Variants in PTPRD observed in about 807,000 individuals in gnomAD.
PTPRD encodes protein tyrosine phosphatase receptor type D, also known as receptor-type tyrosine-protein phosphatase delta.
A neutral mutation model predicts 214.5 loss-of-function variants in PTPRD; 34 were observed. The ratio of observed to expected loss-of-function variants is 0.16; its 90% CI spans 0.12 to 0.21. PTPRD has a LOEUF of 0.21. Ranked by LOEUF, PTPRD falls within the 10% of genes least tolerant of loss-of-function variation. PTPRD has a pLI of 1.00. For missense variants in PTPRD, 2,545 were observed against 2,398.7 expected (o/e 1.06, Z -1.27); for synonymous variants, 1,128 against 845.7 (o/e 1.33, Z -5.79).
chr9:8,656,340 A>G (rs1475065147), intron 12 of PTPRD, among the ~76,000 whole-genome samples: 1 of 152,212 alleles, frequency 6.6e-6, no homozygotes, highest in Admixed American at 6.5e-5. Context: ...CTGCTTCTTG[A>G]AAGCTGATTC....
chr9:8,795,023 G>A (rs540142899), intron 11 of PTPRD, among the ~76,000 whole-genome samples: 1 of 152,104 alleles, frequency 6.6e-6, no homozygotes, highest in East Asian at 1.9e-4. Flanking sequence ...TACATTTCTT[G>A]AATTCATAAC....
chr9:9,805,182 C>G (rs2099065152), intron 5 of PTPRD, among the ~76,000 whole-genome samples: 1 of 152,108 alleles, frequency 6.6e-6, no homozygotes, highest in Admixed American at 6.6e-5. Flanking sequence ...TGGCCTCAAG[C>G]AAATGTCTCA....
chr9:8,698,570 T>G (rs1457420648), intron 12 of PTPRD, among the ~76,000 whole-genome samples: 1 of 152,224 alleles, frequency 6.6e-6, no homozygotes, highest in African/African-American at 2.4e-5. Flanking sequence ...CAAGGCCTAT[T>G]TAGTTTCCTA....
intron 3 of PTPRD, among the ~76,000 whole-genome samples, chr9:10,253,420 C>T (rs1181179243): frequency 6.6e-6 from 1 of 152,184 alleles, no homozygotes; most frequent in African/African-American, 2.4e-5. Flanking sequence ...CATGCAGTAG[C>T]TAAATTGCCC....
intron 3 of PTPRD, among the ~76,000 whole-genome samples, chr9:10,206,477 C>A (rs548592032): frequency 9.9e-4 from 150 of 152,196 alleles, no homozygotes; most frequent in African/African-American, 3.4e-3. Flanking sequence ...TGAGAGTCAA[C>A]CCAATTAGAA....
intron 12 of PTPRD, among the ~76,000 whole-genome samples, chr9:8,648,141 G>C (rs2096732901): frequency 6.6e-6 from 1 of 152,196 alleles, no homozygotes; most frequent in Non-Finnish European, 1.5e-5. Flanking sequence ...AGTGGAAATG[G>C]TATGTTCCAA....
intron 3 of PTPRD, among the ~76,000 whole-genome samples, chr9:10,064,594 G>A (rs1291715844): frequency 6.6e-6 from 1 of 151,810 alleles, no homozygotes; most frequent in African/African-American, 2.4e-5. Context: ...GAAGCTCAGA[G>A]TATGTTTGGT....
intron 11 of PTPRD, among the ~76,000 whole-genome samples, chr9:8,811,025 G>A (rs1435332509): frequency 7.9e-5 from 12 of 152,202 alleles, no homozygotes; most frequent in Non-Finnish European, 1.5e-5. Flanking sequence ...GGAAACAACT[G>A]TGCCCAGGCA....
chr9:9,404,996 C>T (rs1375431374), intron 8 of PTPRD, among the ~76,000 whole-genome samples: 1 of 152,008 alleles, frequency 6.6e-6, no homozygotes, highest in Non-Finnish European at 1.5e-5. Flanking sequence ...ATGTTTATTT[C>T]CCCATCATTT....
intron 6 of PTPRD, among the ~76,000 whole-genome samples, chr9:9,743,600 C>T (rs145330520): frequency 1.2e-4 from 19 of 152,094 alleles, no homozygotes; most frequent in African/African-American, 4.3e-4. Context: ...TACCTGTTCA[C>T]AATCCACACC....
intron 3 of PTPRD, among the ~76,000 whole-genome samples, chr9:10,046,077 T>C (rs1340715428): frequency 1.3e-5 from 2 of 151,800 alleles, no homozygotes; most frequent in Non-Finnish European, 3.0e-5. Flanking sequence ...TTTAATTTGA[T>C]ATACAGAAAT....
intron 6 of PTPRD, among the ~76,000 whole-genome samples, chr9:9,760,107 C>T (rs1038332002): frequency 1.3e-5 from 2 of 152,076 alleles, no homozygotes; most frequent in Admixed American, 6.6e-5. Context: ...AGAAGGATCT[C>T]GTTACAAAGT....
intron 26 of PTPRD, among the ~76,000 whole-genome samples, chr9:8,495,978 T>C (rs1290521276): frequency 6.6e-6 from 1 of 152,172 alleles, no homozygotes; most frequent in Non-Finnish European, 1.5e-5. Context: ...TTGACTCTTC[T>C]GGTTTTCCCA....
intron 3 of PTPRD, among the ~76,000 whole-genome samples, chr9:10,126,946 C>CTTTTTTTT (rs34691762): frequency 1.2e-4 from 16 of 130,572 alleles, no homozygotes; most frequent in African/African-American, 1.9e-4. Flanking sequence ...CTCAAATGGA[C>CTTTTTTTT]TTTTTTTTTT....
At chr9:8,981,399 T>C (rs1424670720) in intron 11 of PTPRD, among the ~76,000 whole-genome samples, 3 of 152,140 alleles carry the variant, frequency 2.0e-5, no homozygotes, top group Middle Eastern at 6.8e-3. Context: ...AGTTCTTTAG[T>C]CTGATTTTTT....
intron 2 of PTPRD, among the ~76,000 whole-genome samples, chr9:10,342,047 T>G (rs1325123797): frequency 2.0e-5 from 3 of 152,022 alleles, no homozygotes; most frequent in African/African-American, 7.2e-5. Flanking sequence ...GTTCTTGGAA[T>G]AAATTGCAAT....
At chr9:8,595,433 T>C (rs1036280775) in intron 14 of PTPRD, among the ~76,000 whole-genome samples, 2 of 152,030 alleles carry the variant, frequency 1.3e-5, no homozygotes, top group Non-Finnish European at 2.9e-5. Flanking sequence ...ATTCAGTGCT[T>C]AGAGGGAAAA....
intron 5 of PTPRD, among the ~76,000 whole-genome samples, chr9:9,773,331 G>A (rs944608139): frequency 6.6e-6 from 1 of 152,024 alleles, no homozygotes; most frequent in Non-Finnish European, 1.5e-5. Context: ...GGAAGCCCAG[G>A]GAGAAGAATG....
intron 4 of PTPRD, among the ~76,000 whole-genome samples, chr9:9,985,061 C>A (rs1256759844): frequency 6.6e-6 from 1 of 152,186 alleles, no homozygotes. Flanking sequence ...GCAACCAAGA[C>A]ATATACCCAC....
Sources: gnomAD v4.1 joint callset for allele counts (sites outside exome capture counted in the v4.1 genomes callset) on GRCh38, gnomAD v4.1.1 for gene constraint, MANE v1.5 for transcripts, NCBI Gene and HGNC (gene_info 2026-07-23, HGNC 2026-07-21) for gene names.